Variants in AHCY observed in about 807,000 individuals in gnomAD.
The protein encoded by AHCY is S-adenosyl-L-homocysteine hydrolase.
AHCY carries 24 observed loss-of-function variants against 45.4 expected under a neutral mutation model. That is an observed-to-expected ratio of 0.53 (90% CI 0.38 to 0.74). The LOEUF is 0.74. Among genes scored for constraint, AHCY ranks in the 30% least tolerant of loss-of-function variants. The pLI is 0.00. For missense variants in AHCY, 449 were observed against 594.1 expected (o/e 0.76, Z 2.54); for synonymous variants, 245 against 235.1 (o/e 1.04, Z -0.39).
chr20:34,245,077 T>G, the AHCY span, among the ~76,000 whole-genome samples: 1 of 152,080 alleles, frequency 6.6e-6, no homozygotes, highest in South Asian at 2.1e-4. Context: ...GGCTCATGCC[T>G]GTAATCCCAG....
chr20:34,262,417 AAC>A, the AHCY span, among the ~76,000 whole-genome samples: 1 of 152,178 alleles, frequency 6.6e-6, no homozygotes. Flanking sequence ...GAAAATAGGA[AAC>A]ACAGGTGCAT....
the AHCY span, among the ~76,000 whole-genome samples, chr20:34,275,131 CTTTT>C: frequency 2.0e-5 from 2 of 99,450 alleles, no homozygotes; most frequent in Non-Finnish European, 4.6e-5. Flanking sequence ...TCTCTATTTT[CTTTT>C]TTTTTTTTTT....
chr20:34,294,166 C>T lies in AHCY; in HGVS notation c.220-10G>A. The T allele has an allele frequency of 6.2e-7, 1 of 1,612,522 alleles. No individual in the cohort carries two copies. The highest frequency in any genetic ancestry group is 8.5e-7 in the Non-Finnish European group (1 of 1,179,872). ...AGCTGGACCACTGCACCTAGAAGAGCCATCAAAACAAGGCTGTTGGTCACT... is the reference window on the plus strand; with the variant it reads ...AGCTGGACCACTGCACCTAGAAGAGTCATCAAAACAAGGCTGTTGGTCACT... On this transcript the variant is annotated splice_polypyrimidine_tract_variant and intron_variant, in intron 2 of 9. Transcript: ENST00000217426.
chr20:34,266,956 A>G, the AHCY span, among the ~76,000 whole-genome samples: 2 of 152,136 alleles, frequency 1.3e-5, no homozygotes, highest in African/African-American at 4.8e-5. Context: ...CTGTAACCAA[A>G]GCAAGGAGCA....
chr20:34,253,644 G>C, the AHCY span, among the ~76,000 whole-genome samples: 1 of 151,792 alleles, frequency 6.6e-6, no homozygotes, highest in Non-Finnish European at 1.5e-5. Context: ...GCTAATTTTT[G>C]TATTTTTAGT....
At position 34,285,375 on chromosome 20, in the gene AHCY, G is replaced by A. The variant is rs985651877; in HGVS notation, c.1167+65C>T. On this transcript the variant is annotated intron_variant, in intron 9 of 9. Coordinates refer to ENST00000217426, the MANE Select transcript of AHCY (RefSeq NM_000687.4). ...GCAAGCACTTTATAAACTCTGGCAAGCCCTGTGTGGGGATCCCAGGATTAG... is the reference window on the plus strand; with the variant it reads ...GCAAGCACTTTATAAACTCTGGCAAACCCTGTGTGGGGATCCCAGGATTAG... The A allele has an allele frequency of 2.5e-6, 4 of 1,580,608 alleles. No homozygotes were observed. The East Asian group carries it at 6.7e-5, about 27-fold the overall frequency.
At chr20:34,272,040 T>G in the AHCY span, among the ~76,000 whole-genome samples, 1 of 88,490 alleles carries the variant, frequency 1.1e-5, no homozygotes, top group South Asian at 4.6e-4. Context: ...TTATACAACG[T>G]GCCTCCAAAA....
the AHCY span, among the ~76,000 whole-genome samples, chr20:34,249,011 C>A: frequency 6.6e-6 from 1 of 151,090 alleles, no homozygotes; most frequent in Non-Finnish European, 1.5e-5. Flanking sequence ...TGCCTGTAGT[C>A]CCAGCTACTA....
the AHCY span, among the ~76,000 whole-genome samples, chr20:34,249,424 C>A: frequency 6.6e-6 from 1 of 152,046 alleles, no homozygotes; most frequent in African/African-American, 2.4e-5. Flanking sequence ...ACTGCTGAAA[C>A]TTTACTGAGT....
intron 8 of AHCY, among the ~76,000 whole-genome samples, chr20:34,288,966 TCA>T (rs1601652225): frequency 6.6e-6 from 1 of 152,314 alleles, no homozygotes; most frequent in African/African-American, 2.4e-5. Context: ...GGCCTGCTCC[TCA>T]CACAGTGATT....
the AHCY span, among the ~76,000 whole-genome samples, chr20:34,241,323 A>G: frequency 1.3e-5 from 2 of 152,332 alleles, no homozygotes. Flanking sequence ...TGGATCTGAA[A>G]GAACCTTCCT....
At chr20:34,303,591 T>G (rs979618471), upstream of AHCY, among the ~76,000 whole-genome samples, 2 of 152,246 alleles carry the variant, frequency 1.3e-5, no homozygotes, top group East Asian at 3.8e-4. Context: ...GCCAGTTGAT[T>G]CAGTGTCAAA....
At chr20:34,269,143 C>A in the AHCY span, 1 of 1,548,610 alleles carries the variant, frequency 6.5e-7, no homozygotes, top group South Asian at 1.2e-5. Flanking sequence ...CCTGCTCCTG[C>A]CGCGTGCTCA....
chr20:34,246,684 C>T, the AHCY span: 1 of 470,638 alleles, frequency 2.1e-6, no homozygotes, highest in Non-Finnish European at 4.0e-6. Flanking sequence ...TCTTGAACTC[C>T]TGACCTCAAG....
At chr20:34,269,487 T>C in the AHCY span, 5,073 of 384,504 alleles carry the variant, frequency 0.013, 32 homozygotes, top group Non-Finnish European at 0.018. Context: ...GCTGCCGACC[T>C]GGGGGTTAGG....
In AHCY at chr20:34,281,274, G is replaced by A. The variant is rs2035994449; in HGVS notation, c.1168-109C>T. 5 of 1,515,352 alleles carry A rather than the reference G, an allele frequency of 3.3e-6. No homozygotes were observed. The South Asian group carries it at 4.6e-5, about 14-fold the overall frequency. The allele number at this position is 1,515,352 out of a possible 1,614,324, so 93.9% of individuals were successfully genotyped here. A position where few individuals can be genotyped will look rare whatever the true frequency, so the allele number is the denominator to read the frequency against. ...TGTTCTGTTAGGGTTTCTGCCATGT[G>A]TGGTACTCATGTTAACTCTTTCTAT... On this transcript the variant is annotated intron_variant, in intron 9 of 9. Transcript: ENST00000217426.
the AHCY span, chr20:34,269,132 G>A: frequency 1.3e-6 from 2 of 1,551,522 alleles, no homozygotes; most frequent in Non-Finnish European, 1.7e-6. Flanking sequence ...CTTCCGCAGC[G>A]CCTGCTCCTG....
the AHCY span, among the ~76,000 whole-genome samples, chr20:34,273,975 C>T: frequency 1.7e-5 from 1 of 58,664 alleles, no homozygotes; most frequent in African/African-American, 3.1e-5. Flanking sequence ...GAGGTGGCAC[C>T]TTCTAATGGT....
At chr20:34,237,708 C>T in the AHCY span, among the ~76,000 whole-genome samples, 1 of 152,156 alleles carries the variant, frequency 6.6e-6, no homozygotes, top group Non-Finnish European at 1.5e-5. Context: ...GTGGTGAAAG[C>T]AGGCATCTTT....
Sources: allele counts gnomAD v4.1 joint callset (sites outside exome capture counted in the v4.1 genomes callset), GRCh38; gene constraint gnomAD v4.1.1; transcripts MANE v1.5; gene names NCBI Gene and HGNC (gene_info 2026-07-23, HGNC 2026-07-21).